The following PDZRN4 variants were observed in gnomAD, a reference collection of about 807,000 sequenced individuals.
PDZRN4 encodes PDZ domain-containing RING finger protein 4.
A neutral mutation model predicts 99.0 loss-of-function variants in PDZRN4; 70 were observed. That is an observed-to-expected ratio of 0.71 (90% CI 0.58 to 0.86). PDZRN4 has a LOEUF of 0.86. Ranked by LOEUF, PDZRN4 falls within the 40% of genes least tolerant of loss-of-function variation. The pLI, the probability that PDZRN4 is intolerant of heterozygous loss-of-function variation, is 0.00. For missense variants in PDZRN4, 1,474 were observed against 1,331.2 expected (o/e 1.11, Z -1.67); for synonymous variants, 551 against 501.6 (o/e 1.10, Z -1.32).
chr12:41,403,588 T>C (rs1952320606), intron 3 of PDZRN4, among the ~76,000 whole-genome samples: 1 of 152,086 alleles, frequency 6.6e-6, no homozygotes, highest in South Asian at 2.1e-4. Flanking sequence ...AAATACGCAG[T>C]TGGTTCTTGT....
At chr12:41,218,994 A>G (rs1950937917) in intron 3 of PDZRN4, among the ~76,000 whole-genome samples, 1 of 152,102 alleles carries the variant, frequency 6.6e-6, no homozygotes, top group Non-Finnish European at 1.5e-5. Flanking sequence ...AAATATTCCT[A>G]GATCTAGGAA....
At chr12:41,198,396 A>G (rs1950792264) in intron 3 of PDZRN4, among the ~76,000 whole-genome samples, 1 of 151,972 alleles carries the variant, frequency 6.6e-6, no homozygotes, top group Non-Finnish European at 1.5e-5. Context: ...TGCTTCTCTC[A>G]ACTTCTGGAG....
intron 5 of PDZRN4, among the ~76,000 whole-genome samples, chr12:41,548,835 T>C (rs1220602522): frequency 6.6e-6 from 1 of 152,152 alleles, no homozygotes; most frequent in Admixed American, 6.5e-5. Context: ...AACCAATGTA[T>C]GTAAAAATCC....
chr12:41,391,395 G>A (rs1952210705), intron 3 of PDZRN4, among the ~76,000 whole-genome samples: 1 of 152,136 alleles, frequency 6.6e-6, no homozygotes, highest in South Asian at 2.1e-4. Flanking sequence ...ATAAATTTAT[G>A]AATGGTACTT....
intron 3 of PDZRN4, among the ~76,000 whole-genome samples, chr12:41,219,730 G>T (rs1566369533): frequency 6.6e-6 from 1 of 152,036 alleles, no homozygotes; most frequent in Non-Finnish European, 1.5e-5. Flanking sequence ...ATGAGCTGTG[G>T]GTATTTGCTG....
chr12:41,572,687 G>A lies in PDZRN4; in HGVS notation c.1908G>A (p.Lys636=). 2 of 1,614,150 alleles carry A rather than the reference G, an allele frequency of 1.2e-6. No individual in the cohort carries two copies. The highest frequency in any genetic ancestry group is 1.7e-6 in the Non-Finnish European group (2 of 1,180,006). The part of the protein sequence containing the change: ...RFRQLLELKC[K]IRNHGEYDLY... ...GGCAGCTCTTGGAGCTCAAATGCAA[G>A]ATTCGAAATCATGGAGAGTATGACC... is the stretch of plus-strand genomic sequence containing the variant. The change falls in exon 10 of 10, where the codon AAG becomes AAA. Residue 636 remains lysine, a synonymous_variant. Transcript: ENST00000402685.
At chr12:41,353,557 A>T (rs922825851) in intron 3 of PDZRN4, among the ~76,000 whole-genome samples, 7 of 152,086 alleles carry the variant, frequency 4.6e-5, no homozygotes, top group African/African-American at 1.7e-4. Flanking sequence ...TTGGAGAGCA[A>T]GGGCACCTAC....
chr12:41,252,055 G>A (rs894259781), intron 3 of PDZRN4, among the ~76,000 whole-genome samples: 12 of 152,094 alleles, frequency 7.9e-5, no homozygotes, highest in African/African-American at 2.9e-4. Context: ...GATAGAGGAT[G>A]CAGTAAGCCA....
intron 3 of PDZRN4, among the ~76,000 whole-genome samples, chr12:41,488,267 AAC>A (rs1242967383): frequency 6.6e-6 from 1 of 152,190 alleles, no homozygotes; most frequent in Non-Finnish European, 1.5e-5. Flanking sequence ...TGGAATCTCG[AAC>A]AGTTTTCAGT....
At chr12:41,460,838 T>C (rs1338765778) in intron 3 of PDZRN4, among the ~76,000 whole-genome samples, 1 of 152,196 alleles carries the variant, frequency 6.6e-6, no homozygotes, top group Non-Finnish European at 1.5e-5. Context: ...GATGAATAAG[T>C]TCATGGGAAA....
At chr12:41,265,061 T>A (rs1464968593) in intron 3 of PDZRN4, among the ~76,000 whole-genome samples, 2 of 152,130 alleles carry the variant, frequency 1.3e-5, no homozygotes, top group African/African-American at 4.8e-5. Context: ...CATATCCATG[T>A]AACAAACCTG....
chr12:41,233,235 G>A (rs1408438432), intron 3 of PDZRN4, among the ~76,000 whole-genome samples: 2 of 152,150 alleles, frequency 1.3e-5, no homozygotes, highest in South Asian at 2.1e-4. Flanking sequence ...AAACCACAAT[G>A]AGAAACCATC....
At position 41,254,330 on chromosome 12, in the gene PDZRN4, T is replaced by C. The variant is rs1951190230; in HGVS notation, c.843+60142T>C. 2.0e-5 allele frequency among the ~76,000 whole-genome samples: 3 copies of C among 152,112 alleles called. No individual in the cohort carries two copies. In the South Asian group the frequency reaches 6.2e-4, roughly 32 times the overall value. On this transcript the variant is annotated intron_variant, in intron 3 of 9. Coordinates refer to ENST00000402685, the MANE Select transcript of PDZRN4 (RefSeq NM_001164595.2). ...TTCCCCAAATACCCAATAGGTAGGC[T>C]TTAAAAAACAAAGCTTCAGGAGACG...
intron 3 of PDZRN4, among the ~76,000 whole-genome samples, chr12:41,342,548 A>G (rs1951825942): frequency 1.4e-5 from 2 of 141,218 alleles, no homozygotes; most frequent in African/African-American, 5.2e-5. Context: ...AATGATCTCA[A>G]TAGACATTTC....
chr12:41,267,999 A>G (rs1482495177), intron 3 of PDZRN4, among the ~76,000 whole-genome samples: 4 of 152,328 alleles, frequency 2.6e-5, no homozygotes, highest in South Asian at 2.1e-4. Context: ...AGAGACCTCT[A>G]CTCTGAACTA....
chr12:41,454,911 C>T (rs1055418241), intron 3 of PDZRN4, among the ~76,000 whole-genome samples: 1 of 152,180 alleles, frequency 6.6e-6, no homozygotes, highest in East Asian at 1.9e-4. Flanking sequence ...TAGCCACTAG[C>T]CACATAGGAC....
At chr12:41,424,816 A>G (rs1952521903) in intron 3 of PDZRN4, among the ~76,000 whole-genome samples, 1 of 152,162 alleles carries the variant, frequency 6.6e-6, no homozygotes, top group African/African-American at 2.4e-5. Context: ...GCTTATGCTT[A>G]CAAGCCTGGA....
intron 3 of PDZRN4, among the ~76,000 whole-genome samples, chr12:41,296,974 A>G (rs993244846): frequency 1.1e-4 from 16 of 152,120 alleles, no homozygotes; most frequent in African/African-American, 3.1e-4. Flanking sequence ...CAAAAACAAA[A>G]ACAAAATCTG....
At chr12:41,385,720 A>G (rs1952164702) in intron 3 of PDZRN4, among the ~76,000 whole-genome samples, 1 of 152,184 alleles carries the variant, frequency 6.6e-6, no homozygotes, top group Non-Finnish European at 1.5e-5. Context: ...AGATGGATTC[A>G]TAGCTGAATT....
Sources: gnomAD v4.1 joint callset for allele counts (sites outside exome capture counted in the v4.1 genomes callset) on GRCh38, gnomAD v4.1.1 for gene constraint, MANE v1.5 for transcripts, NCBI Gene and HGNC (gene_info 2026-07-23, HGNC 2026-07-21) for gene names.